The following BRD7 variants were observed in gnomAD, a reference collection of about 807,000 sequenced individuals.
BRD7 encodes bromodomain-containing protein 7.
BRD7 carries 15 observed loss-of-function variants against 82.1 expected under a neutral mutation model. The ratio of observed to expected loss-of-function variants is 0.18; its 90% CI spans 0.12 to 0.28. The LOEUF is 0.28. BRD7 is among the 10% of genes least tolerant of loss of function. The probability of loss-of-function intolerance (pLI) is 1.00; values close to 1 mark genes in which losing one functional copy is unlikely to be tolerated. For missense variants in BRD7, 638 were observed against 779.9 expected (o/e 0.82, Z 2.17); for synonymous variants, 232 against 266.9 (o/e 0.87, Z 1.27).
intron 2 of BRD7, among the ~76,000 whole-genome samples, chr16:50,358,495 C>CAAA (rs371307047): frequency 4.9e-5 from 6 of 122,032 alleles, no homozygotes; most frequent in African/African-American, 1.0e-4. Flanking sequence ...GATCCTGTCT[C>CAAA]AAAAAAAAAA....
At chr16:50,342,795 G>A (rs2038123268) in intron 5 of BRD7, among the ~76,000 whole-genome samples, 1 of 152,070 alleles carries the variant, frequency 6.6e-6, no homozygotes, top group Non-Finnish European at 1.5e-5. Context: ...ACCCTTATAG[G>A]TCAGGTGAGC....
chr16:50,367,979 G>A (rs764255971), intron 2 of BRD7, 111 bp downstream of exon 2: 7 of 1,106,732 alleles, frequency 6.3e-6, no homozygotes, highest in South Asian at 1.4e-5. Flanking sequence ...CCTCAAACGA[G>A]CCAGATCTTA....
rs2039274529 is a variant in BRD7 at position 50,368,983 on chromosome 16, G to GT, written c.-210_-209insA. On this transcript the variant is annotated 5_prime_UTR_variant, in exon 1 of 17. Coordinates refer to ENST00000394688, the MANE Select transcript of BRD7 (RefSeq NM_013263.5). ...GCCGGAGCCCGAGAGCGGCGGCGGG[G>GT]GGGGCGCGCGGCCGGCGCAGAGGCG... is the stretch of plus-strand genomic sequence containing the variant. The GT allele has an allele frequency of 6.6e-6, 1 of 151,466 alleles. No individual in the cohort carries two copies. Among genetic ancestry groups the GT allele is most frequent in the Non-Finnish European group, 1.4e-5 (1 of 70,390 alleles). 9.4% of individuals were successfully genotyped at this position (151,466 alleles called of 1,614,324 possible).
chr16:50,323,202 G>A (rs2037192074), intron 12 of BRD7, among the ~76,000 whole-genome samples: 1 of 152,194 alleles, frequency 6.6e-6, no homozygotes, highest in Non-Finnish European at 1.5e-5. Flanking sequence ...TTTAACTTGA[G>A]GTTCCTCCCG....
chr16:50,329,281 C>A (rs1014287664), intron 8 of BRD7, among the ~76,000 whole-genome samples: 1 of 152,090 alleles, frequency 6.6e-6, no homozygotes, highest in African/African-American at 2.4e-5. Context: ...GCCACCTAGT[C>A]CTCCCCAGTC....
chr16:50,366,025 CA>C (rs1233048051), intron 2 of BRD7, among the ~76,000 whole-genome samples: 7 of 152,044 alleles, frequency 4.6e-5, no homozygotes, highest in African/African-American at 1.7e-4. Flanking sequence ...TGGTCATATG[CA>C]AAGGACTAAG....
chr16:50,345,993 T>C (rs1334577304), intron 5 of BRD7, among the ~76,000 whole-genome samples: 2 of 152,222 alleles, frequency 1.3e-5, no homozygotes, highest in African/African-American at 4.8e-5. Flanking sequence ...ACTGCACTTA[T>C]TCCAAAATTG....
At chr16:50,337,780 T>G (rs1294330610) in intron 6 of BRD7, among the ~76,000 whole-genome samples, 1 of 152,050 alleles carries the variant, frequency 6.6e-6, no homozygotes, top group East Asian at 1.9e-4. Flanking sequence ...CGTTTAAAAA[T>G]CACTGTTGTG....
chr16:50,362,891 ATAATT>A (rs1424724452), intron 2 of BRD7, among the ~76,000 whole-genome samples: 1 of 152,242 alleles, frequency 6.6e-6, no homozygotes, highest in Non-Finnish European at 1.5e-5. Context: ...ACACTTAAAA[ATAATT>A]AAAATGGTAA....
chr16:50,367,419 T>C (rs1027565244), intron 2 of BRD7, among the ~76,000 whole-genome samples: 3 of 152,176 alleles, frequency 2.0e-5, no homozygotes, highest in South Asian at 2.1e-4. Context: ...AGGCAGGGCC[T>C]TGCTATGTTG....
chr16:50,342,182 A>G (rs940572757), intron 5 of BRD7, among the ~76,000 whole-genome samples: 7 of 149,988 alleles, frequency 4.7e-5, no homozygotes, highest in African/African-American at 1.7e-4. Flanking sequence ...CAGAAAAAAA[A>G]CAAAAAACAA....
chr16:50,359,589 G>A (rs757998414), intron 2 of BRD7, among the ~76,000 whole-genome samples: 1 of 151,676 alleles, frequency 6.6e-6, no homozygotes, highest in Non-Finnish European at 1.5e-5. Context: ...AAAACAAACA[G>A]GTTTATAACA....
chr16:50,321,078 C>T (rs1323511172), intron 13 of BRD7, among the ~76,000 whole-genome samples: 1 of 152,116 alleles, frequency 6.6e-6, no homozygotes, highest in Non-Finnish European at 1.5e-5. Context: ...TAATGAGAGC[C>T]TTGTTGTTGC....
At chr16:50,360,689 A>G (rs942193383) in intron 2 of BRD7, among the ~76,000 whole-genome samples, 1 of 152,118 alleles carries the variant, frequency 6.6e-6, no homozygotes, top group Non-Finnish European at 1.5e-5. Context: ...TTATTTATTT[A>G]TTTACCTATC....
Position 50,319,283 on chromosome 16 carries a change from T to A in BRD7, c.1901-17A>T, listed in dbSNP as rs773611372. ...CTTCAGTGTCTGAAAGAAAAAGACA[T>A]CACTTAATTCAACATTGTTTTTACC... On this transcript the variant is annotated splice_polypyrimidine_tract_variant and intron_variant, in intron 16 of 16. Transcript: ENST00000394688. 1 of 1,610,018 alleles carries A rather than the reference T, an allele frequency of 6.2e-7. No individual in the cohort carries two copies. Among genetic ancestry groups the A allele is most frequent in the East Asian group, 2.2e-5 (1 of 44,856 alleles).
At chr16:50,355,709 T>C (rs180776424) in intron 2 of BRD7, among the ~76,000 whole-genome samples, 1 of 152,318 alleles carries the variant, frequency 6.6e-6, no homozygotes, top group Non-Finnish European at 1.5e-5. Flanking sequence ...GACTTAAATG[T>C]ACAAAGCAAA....
chr16:50,364,548 T>C (rs923665622), intron 2 of BRD7, among the ~76,000 whole-genome samples: 1 of 152,148 alleles, frequency 6.6e-6, no homozygotes, highest in Non-Finnish European at 1.5e-5. Flanking sequence ...GAGAGGTGTG[T>C]CCAGAAGAGA....
chr16:50,352,962 C>T (rs1364377850), intron 4 of BRD7, among the ~76,000 whole-genome samples: 3 of 152,106 alleles, frequency 2.0e-5, no homozygotes, highest in Non-Finnish European at 1.5e-5. Flanking sequence ...ATACCCAATA[C>T]CTATTCACTC....
At chr16:50,339,642 GCAAA>G (rs2037964143) in intron 6 of BRD7, among the ~76,000 whole-genome samples, 1 of 152,150 alleles carries the variant, frequency 6.6e-6, no homozygotes, top group East Asian at 1.9e-4. Context: ...CCCTACAAAT[GCAAA>G]CAGAGAGCTT....
Sources: gnomAD v4.1 joint callset for allele counts (sites outside exome capture counted in the v4.1 genomes callset) on GRCh38, gnomAD v4.1.1 for gene constraint, MANE v1.5 for transcripts, NCBI Gene and HGNC (gene_info 2026-07-23, HGNC 2026-07-21) for gene names.